NFE2L3: variants seen among roughly 807,000 people sequenced by gnomAD.
NFE2L3 encodes NFE2 like bZIP transcription factor 3.
A neutral mutation model predicts 23.5 loss-of-function variants in NFE2L3; 18 were observed. The ratio of observed to expected loss-of-function variants is 0.77; its 90% CI spans 0.53 to 1.13. The LOEUF is 1.13. Among genes scored for constraint, NFE2L3 ranks in the 50% most tolerant of loss-of-function variants. The probability of loss-of-function intolerance (pLI) is 0.00; values close to 1 mark genes in which losing one functional copy is unlikely to be tolerated. For synonymous variants in NFE2L3, 424 were observed against 354.5 expected (o/e 1.20, Z -2.20); for missense variants, 1,152 against 877.2 (o/e 1.31, Z -3.96).
intron 1 of NFE2L3, among the ~76,000 whole-genome samples, chr7:26,159,949 CTTTTTTTTTTTT>C (rs59484170): frequency 8.4e-6 from 1 of 118,476 alleles, no homozygotes; most frequent in Non-Finnish European, 1.8e-5. Context: ...AATCTTGTTG[CTTTTTTTTTTTT>C]TTTTTTTTGA....
intron 3 of NFE2L3, 82 bp from the exon 4 acceptor site, chr7:26,184,451 G>C: frequency 7.8e-7 from 1 of 1,282,524 alleles, no homozygotes; most frequent in Non-Finnish European, 1.1e-6. Flanking sequence ...TGACAAAAGA[G>C]GGGAAAGAAA....
At chr7:26,176,384 G>A (rs1212506139) in intron 1 of NFE2L3, among the ~76,000 whole-genome samples, 1 of 152,208 alleles carries the variant, frequency 6.6e-6, no homozygotes, top group African/African-American at 2.4e-5. Context: ...CTTCGGAGCT[G>A]TTGGGTACAC....
At chr7:26,180,204 GT>G (rs1180980614) in intron 2 of NFE2L3, among the ~76,000 whole-genome samples, 1 of 152,186 alleles carries the variant, frequency 6.6e-6, no homozygotes, top group East Asian at 1.9e-4. Flanking sequence ...CACACACTGA[GT>G]TCTAAGTGGT....
chr7:26,185,929 A>G lies in NFE2L3; in HGVS notation c.*146A>G. 1 of 701,718 alleles carries G rather than the reference A, an allele frequency of 1.4e-6. No homozygotes were observed. The highest frequency in any genetic ancestry group is 2.4e-5 in the South Asian group (1 of 42,380). 43.5% of individuals were successfully genotyped at this position (701,718 alleles called of 1,614,324 possible). A position where few individuals can be genotyped will look rare whatever the true frequency, so the allele number is the denominator to read the frequency against. On this transcript the variant is annotated 3_prime_UTR_variant, in exon 4 of 4. Coordinates refer to ENST00000056233, the MANE Select transcript of NFE2L3 (RefSeq NM_004289.7). ...CTCAGTTAACGCTGTTTTGAAGCTT[A>G]CATGGACAAATGTTTAGGACTTCAA...
At chr7:26,173,198 A>G (rs1221023192) in intron 1 of NFE2L3, among the ~76,000 whole-genome samples, 1 of 152,124 alleles carries the variant, frequency 6.6e-6, no homozygotes, top group African/African-American at 2.4e-5. Context: ...TCTCTTCCTG[A>G]GTTTTCAGAC....
In NFE2L3 at chr7:26,158,964, A is replaced by T. The variant is rs1231851592; in HGVS notation, c.570+5896A>T. Among the ~76,000 whole-genome samples the T allele has an allele frequency of 2.0e-5, 3 of 152,204 alleles. No homozygotes were observed. In the East Asian group the frequency reaches 5.8e-4, roughly 29 times the overall value. The stretch of plus-strand genomic sequence containing the variant: ...AGATAGTGCAAGTTGAGCAGGGTTG[A>T]TACACTATTAATAATTCAGGTGGGG... On this transcript the variant is annotated intron_variant, in intron 1 of 3. Transcript: ENST00000056233.
intron 1 of NFE2L3, among the ~76,000 whole-genome samples, chr7:26,172,522 T>A (rs1784341603): frequency 6.6e-6 from 1 of 152,222 alleles, no homozygotes; most frequent in Non-Finnish European, 1.5e-5. Flanking sequence ...TACTATCTAA[T>A]CTACAGTCCA....
intron 1 of NFE2L3, chr7:26,174,719 A>G (rs1364120538): frequency 6.6e-6 from 1 of 152,160 alleles, no homozygotes; most frequent in Non-Finnish European, 1.5e-5. Flanking sequence ...CATTTCTTCA[A>G]CCTTCACTTA....
chr7:26,184,371 T>C, intron 3 of NFE2L3, 162 bp from the exon 4 acceptor site: 1 of 612,242 alleles, frequency 1.6e-6, no homozygotes, highest in Non-Finnish European at 2.8e-6. Context: ...TCACATCTCG[T>C]ATTGTATTGC....
rs143155770 is a variant in NFE2L3, at chr7:26,185,209, C to G, written c.1511C>G (p.Pro504Arg). The change falls in exon 4 of 4, where the codon CCA becomes CGA. Residue 504 changes from proline (P) to arginine (R), a missense_variant. Coordinates refer to ENST00000056233, the MANE Select transcript of NFE2L3 (RefSeq NM_004289.7). ...CATAACCACACTTACCACTTACAGC[C>G]AACTGCACCAGAATCTACTTCTGAA... ...VFHNHTYHLQ[P>R]TAPESTSEPF... 364 of 1,613,922 alleles carry G rather than the reference C, an allele frequency of 2.3e-4. No homozygotes were observed. The highest frequency in any genetic ancestry group is 2.7e-4 in the Non-Finnish European group (324 of 1,179,902).
At position 26,176,468 on chromosome 7, in the gene NFE2L3, C is replaced by T. The variant is rs1212685356; in HGVS notation, c.571-1475C>T. 4.0e-5 allele frequency among the ~76,000 whole-genome samples: 6 copies of T among 150,560 alleles called. No individual in the cohort carries two copies. In the East Asian group the frequency reaches 5.9e-4, roughly 15 times the overall value. On this transcript the variant is annotated intron_variant, in intron 1 of 3. Transcript: ENST00000056233. ...GCAGAGGCGCTCCTCACTTCCCAGA[C>T]GGGGCGGCCGGGCAGAGGCGCTCCT...
At position 26,159,065 on chromosome 7, in the gene NFE2L3, C is replaced by T. The variant is rs558120437; in HGVS notation, c.570+5997C>T. Among the ~76,000 whole-genome samples, 12 of 152,292 alleles carry T rather than the reference C, an allele frequency of 7.9e-5. No homozygotes were observed. The East Asian group carries it at 1.2e-3, about 15-fold the overall frequency. ...CAGGTTTCCAAAGCACACCTTGGTT[C>T]GTCTCTCTGCGTTTTGTGGGATGCC... On this transcript the variant is annotated intron_variant, in intron 1 of 3. Coordinates refer to ENST00000056233, the MANE Select transcript of NFE2L3 (RefSeq NM_004289.7).
intron 2 of NFE2L3, among the ~76,000 whole-genome samples, chr7:26,182,180 T>A (rs1784527178): frequency 6.6e-6 from 1 of 152,174 alleles, no homozygotes; most frequent in African/African-American, 2.4e-5. Flanking sequence ...AAACATTTTT[T>A]AAATTACCTG....
intron 2 of NFE2L3, among the ~76,000 whole-genome samples, chr7:26,181,583 TAAACA>T (rs1784511004): frequency 2.0e-5 from 3 of 152,182 alleles, no homozygotes; most frequent in South Asian, 4.2e-4. Context: ...GAAAATGATA[TAAACA>T]CTGGTTCTTG....
intron 3 of NFE2L3, 124 bp from the exon 4 acceptor site, chr7:26,184,406 CCAA>C (rs1410679825): frequency 1.2e-6 from 1 of 818,196 alleles, no homozygotes; most frequent in Non-Finnish European, 2.0e-6. Flanking sequence ...GAAGTTACTG[CCAA>C]CAGCATCTAT....
At chr7:26,166,607 G>T (rs761139768) in intron 1 of NFE2L3, among the ~76,000 whole-genome samples, 1 of 152,224 alleles carries the variant, frequency 6.6e-6, no homozygotes, top group Non-Finnish European at 1.5e-5. Context: ...TTACAGGGAT[G>T]CCGAGCAGCT....
chr7:26,152,881 T>C lies in NFE2L3; in HGVS notation c.383T>C (p.Leu128Pro), dbSNP rs764334234. Residue 128 changes from leucine (L) to proline (P), a missense_variant, in exon 1 of 4, where the codon CTC becomes CCC. Leu to Pro is a moderately conservative substitution (Grantham distance 98). Coordinates refer to ENST00000056233, the MANE Select transcript of NFE2L3 (RefSeq NM_004289.7). The surrounding 1 kb of genome is among the most constrained non-coding windows in gnomAD (Gnocchi z 4.4). ...AGCGCGGACGAGGCCCACGGGCTGC[T>C]CGGCGCCGCCGCCGCCTCGTCCACC... Reference protein sequence around the residue: ...AGSADEAHGLLGAAAASSTGG... With the variant: ...AGSADEAHGLPGAAAASSTGG... 38 of 1,458,404 alleles carry C rather than the reference T, an allele frequency of 2.6e-5. No homozygotes were observed. The highest frequency in any genetic ancestry group is 3.0e-5 in the East Asian group (1 of 33,486). 90.3% of individuals were successfully genotyped at this position (1,458,404 alleles called of 1,614,324 possible).
At position 26,152,642 on chromosome 7, in the gene NFE2L3, C is replaced by G. The variant is rs1324891520; in HGVS notation, c.144C>G (p.Phe48Leu). The stretch of plus-strand genomic sequence containing the variant: ...CCCTGCTGCAGGACGAGCTGCTGTT[C>G]CTGGGCGGCCCGGCCAGCTCCGCCT... ...PPTLLQDELLFLGGPASSAYA... is the reference protein window; with the variant it reads ...PPTLLQDELLLLGGPASSAYA... Residue 48 changes from phenylalanine (F) to leucine (L), a missense_variant, in exon 1 of 4, where the codon TTC becomes TTG. Phe to Leu is a conservative substitution (Grantham distance 22). Transcript: ENST00000056233. The surrounding 1 kb of genome is among the most constrained non-coding windows in gnomAD (Gnocchi z 4.4). 6.6e-7 allele frequency: 1 copy of G among 1,517,712 alleles called. No individual in the cohort carries two copies. The highest frequency in any genetic ancestry group is 1.2e-5 in the South Asian group (1 of 81,762). The allele number at this position is 1,517,712 out of a possible 1,614,324, so 94.0% of individuals were successfully genotyped here. A position where few individuals can be genotyped will look rare whatever the true frequency, so the allele number is the denominator to read the frequency against.
At chr7:26,154,920 C>T (rs996363640) in intron 1 of NFE2L3, among the ~76,000 whole-genome samples, 1 of 152,318 alleles carries the variant, frequency 6.6e-6, no homozygotes, top group Admixed American at 6.5e-5. Flanking sequence ...ATCCAGCTTT[C>T]CTAGGGGAGA....
Sources: allele counts gnomAD v4.1 joint callset (sites outside exome capture counted in the v4.1 genomes callset), GRCh38; gene constraint gnomAD v4.1.1; non-coding constraint Gnocchi (gnomAD v3.1); transcripts MANE v1.5; gene names NCBI Gene and HGNC (gene_info 2026-07-23, HGNC 2026-07-21).